The following SLC36A1 variants were observed in gnomAD, a reference collection of about 807,000 sequenced individuals.
The protein encoded by SLC36A1 is solute carrier family 36 member 1, also known as proton-coupled amino acid transporter 1.
SLC36A1 carries 30 observed loss-of-function variants against 47.5 expected under a neutral mutation model. The observed-to-expected ratio is 0.63, with a 90% CI of 0.47 to 0.86. SLC36A1 has a LOEUF of 0.86. Ranked by LOEUF, SLC36A1 falls within the 40% of genes least tolerant of loss-of-function variation. The pLI, the probability that SLC36A1 is intolerant of heterozygous loss-of-function variation, is 0.00. For missense variants in SLC36A1, 517 were observed against 606.0 expected, an observed-to-expected ratio of 0.85 and a Z score of 1.54; for synonymous variants, 255 against 249.7, an observed-to-expected ratio of 1.02 and a Z score of -0.20.
At chr5:151,448,934 T>G (rs1753216609) in intron 1 of SLC36A1, among the ~76,000 whole-genome samples, 1 of 152,188 alleles carries the variant, frequency 6.6e-6, no homozygotes, top group Non-Finnish European at 1.5e-5. Flanking sequence ...TGTTTTTAAA[T>G]AGAGATGAGG....
At chr5:151,454,735 C>T (rs1270926080) in intron 1 of SLC36A1, among the ~76,000 whole-genome samples, 29 of 93,358 alleles carry the variant, frequency 3.1e-4, no homozygotes, top group Non-Finnish European at 4.2e-4. Flanking sequence ...TTTTTTGAGA[C>T]GGAGTCTCGC....
the SLC36A1 span, among the ~76,000 whole-genome samples, chr5:151,417,802 G>A: frequency 6.6e-6 from 1 of 152,200 alleles, no homozygotes; most frequent in African/African-American, 2.4e-5. Context: ...ATTTGCATAA[G>A]CAATAAGGAG....
At chr5:151,472,683 A>C (rs936016733) in intron 7 of SLC36A1, among the ~76,000 whole-genome samples, 2 of 152,256 alleles carry the variant, frequency 1.3e-5, no homozygotes, top group Non-Finnish European at 2.9e-5. Flanking sequence ...AAAAAGGAGA[A>C]GAAAAGAAGA....
chr5:151,543,426 G>A, the SLC36A1 span: 258 of 1,613,986 alleles, frequency 1.6e-4, no homozygotes, highest in Non-Finnish European at 2.1e-4. Context: ...CCGTGCAGAA[G>A]GCTACTCTTC....
At chr5:151,543,261 G>C in the SLC36A1 span, 1 of 1,614,084 alleles carries the variant, frequency 6.2e-7, no homozygotes, top group Non-Finnish European at 8.5e-7. Context: ...GGTTCACTGA[G>C]TAGGTGACAT....
chr5:151,531,722 G>T, the SLC36A1 span: 1 of 1,613,922 alleles, frequency 6.2e-7, no homozygotes, highest in Non-Finnish European at 8.5e-7. The surrounding 1 kb of genome is among the most constrained non-coding windows in gnomAD (Gnocchi z 5.7). Flanking sequence ...TCGGGCACCT[G>T]CACGCTGTGC....
At chr5:151,353,737 A>C in the SLC36A1 span, among the ~76,000 whole-genome samples, 1 of 151,138 alleles carries the variant, frequency 6.6e-6, no homozygotes, top group Non-Finnish European at 1.5e-5. Flanking sequence ...CTCTTTTCTA[A>C]CTCCTGGCAA....
downstream of SLC36A1, among the ~76,000 whole-genome samples, chr5:151,496,774 T>G (rs573389158): frequency 6.6e-6 from 1 of 152,358 alleles, no homozygotes; most frequent in East Asian, 1.9e-4. Context: ...CAGGCTGGTC[T>G]TGAACTTCTG....
the SLC36A1 span, among the ~76,000 whole-genome samples, chr5:151,344,944 C>G: frequency 6.6e-6 from 1 of 152,110 alleles, no homozygotes; most frequent in Non-Finnish European, 1.5e-5. Context: ...GGGGCATAAC[C>G]ATTCAGGGAT....
the SLC36A1 span, among the ~76,000 whole-genome samples, chr5:151,369,643 G>A: frequency 6.6e-6 from 1 of 152,088 alleles, no homozygotes; most frequent in East Asian, 1.9e-4. Flanking sequence ...ACTATGACTG[G>A]CTAATTTTAA....
At chr5:151,467,948 A>G (rs394736) in intron 7 of SLC36A1, 23 bp downstream of exon 7, 628,969 of 1,597,852 alleles carry the variant, frequency 0.39, 125,853 homozygotes, top group East Asian at 0.52. Flanking sequence ...GCCCTCTCCT[A>G]TCATCTTGGT....
the SLC36A1 span, among the ~76,000 whole-genome samples, chr5:151,526,809 C>G: frequency 6.6e-6 from 1 of 152,180 alleles, no homozygotes; most frequent in African/African-American, 2.4e-5. Context: ...TCACCACTTA[C>G]AGCCCTGAAA....
At chr5:151,414,587 C>T in the SLC36A1 span, 4 of 152,122 alleles carry the variant, frequency 2.6e-5, no homozygotes, top group African/African-American at 4.8e-5. Context: ...CTGAATTTCA[C>T]AGGCTTTCAC....
At chr5:151,519,787 T>C in the SLC36A1 span, among the ~76,000 whole-genome samples, 1 of 152,186 alleles carries the variant, frequency 6.6e-6, no homozygotes, top group Admixed American at 6.5e-5. Context: ...TTCAACTGAT[T>C]CTGGTGATCC....
chr5:151,414,424 G>A, the SLC36A1 span, among the ~76,000 whole-genome samples: 1 of 152,146 alleles, frequency 6.6e-6, no homozygotes, highest in Non-Finnish European at 1.5e-5. Context: ...GGGCAGGTAG[G>A]GACCAGAGCA....
the SLC36A1 span, among the ~76,000 whole-genome samples, chr5:151,380,169 GA>G: frequency 6.6e-6 from 1 of 152,082 alleles, no homozygotes; most frequent in African/African-American, 2.4e-5. Context: ...TATCAGAAAT[GA>G]AAAATAGGAC....
chr5:151,355,985 A>G, the SLC36A1 span, among the ~76,000 whole-genome samples: 1 of 152,196 alleles, frequency 6.6e-6, no homozygotes, highest in South Asian at 2.1e-4. Context: ...TTTAATTCCA[A>G]TGTTTTTGAT....
the SLC36A1 span, among the ~76,000 whole-genome samples, chr5:151,541,991 C>CTTTTGT: frequency 6.6e-6 from 1 of 152,224 alleles, no homozygotes. Context: ...AGACAACTGA[C>CTTTTGT]AGCAGTTAGA....
At chr5:151,379,854 G>A in the SLC36A1 span, among the ~76,000 whole-genome samples, 3 of 151,912 alleles carry the variant, frequency 2.0e-5, no homozygotes, top group Admixed American at 6.6e-5. Flanking sequence ...CATTTCAAGC[G>A]CTCAATGTGG....
Sources: gnomAD v4.1 joint callset for allele counts (sites outside exome capture counted in the v4.1 genomes callset) on GRCh38, gnomAD v4.1.1 for gene constraint, Gnocchi (gnomAD v3.1) non-coding constraint, MANE v1.5 for transcripts, NCBI Gene and HGNC (gene_info 2026-07-23, HGNC 2026-07-21) for gene names.